The following RAB6B variants were observed in gnomAD, a reference collection of about 807,000 sequenced individuals.
RAB6B encodes ras-related protein Rab-6B.
In RAB6B, 7 loss-of-function variants were observed where a neutral mutation model predicts 31.2. That is an observed-to-expected ratio of 0.22 (90% CI 0.13 to 0.42). The LOEUF (loss-of-function observed/expected upper bound fraction) is 0.42. RAB6B is among the 10% of genes least tolerant of loss of function. The pLI is 1.00. For missense variants in RAB6B, 149 were observed against 280.6 expected (o/e 0.53, Z 3.35); for synonymous variants, 105 against 104.9 (o/e 1.00, Z -0.01).
Position 133,895,493 on chromosome 3 carries a change from G to T in RAB6B, c.-27C>A. On this transcript the variant is annotated 5_prime_UTR_variant, in exon 1 of 8. Coordinates refer to ENST00000285208, the MANE Select transcript of RAB6B (RefSeq NM_016577.4). ...GTGCTGGCAGCCGGGGCCGGGAGAG[G>T]AGGAGGAGGAAAAAGCGAAGGAGCA... 1 of 1,609,378 alleles carries T rather than the reference G, an allele frequency of 6.2e-7. No individual in the cohort carries two copies. Among genetic ancestry groups the T allele is most frequent in the Admixed American group, 1.7e-5 (1 of 59,546 alleles).
chr3:133,867,656 T>G (rs1363002702), intron 1 of RAB6B, among the ~76,000 whole-genome samples: 1 of 152,180 alleles, frequency 6.6e-6, no homozygotes, highest in Non-Finnish European at 1.5e-5. Flanking sequence ...AGGCCAAGTC[T>G]GGAATTGGGG....
intron 2 of RAB6B, among the ~76,000 whole-genome samples, chr3:133,861,186 T>C (rs1262955926): frequency 6.6e-6 from 1 of 152,252 alleles, no homozygotes; most frequent in Admixed American, 6.5e-5. Flanking sequence ...AAGGTTTTTT[T>C]CTATCATAAA....
In RAB6B at chr3:133,838,196, G is replaced by A; in HGVS notation, c.465C>T (p.Thr155=). The A allele has an allele frequency of 6.2e-7, 1 of 1,614,146 alleles. No individual in the cohort carries two copies. Among genetic ancestry groups the A allele is most frequent in the Non-Finnish European group, 8.5e-7 (1 of 1,180,024 alleles). The part of the protein sequence containing the change: ...AKELSVMFIE[T]SAKTGYNVKQ... ...TCACGTTGTAGCCAGTCTTCGCACTGGTCTCAATGAACATGACGCTCAGTT... is the reference window on the plus strand; with the variant it reads ...TCACGTTGTAGCCAGTCTTCGCACTAGTCTCAATGAACATGACGCTCAGTT... The change falls in exon 6 of 8, where the codon ACC becomes ACT. Residue 155 remains threonine (T), a synonymous_variant. Transcript: ENST00000285208.
At position 133,825,154 on chromosome 3, in the gene RAB6B, C is replaced by T. The variant is rs371930268; in HGVS notation, c.*3634G>A. 1.4e-3 allele frequency: 208 copies of T among 152,358 alleles called. 5 individuals are homozygous for T. The South Asian group carries it at 0.04, about 29-fold the overall frequency. The allele number at this position is 152,358 out of a possible 1,614,324, so 9.4% of individuals were successfully genotyped here. A position where few individuals can be genotyped will look rare whatever the true frequency, so the allele number is the denominator to read the frequency against. ...TGGCTCAGACATGCCTCACTGTCCT[C>T]GGCTACCTGGTCCCATCTCATCCTG... On this transcript the variant is annotated 3_prime_UTR_variant, in exon 8 of 8. Transcript: ENST00000285208.
intron 1 of RAB6B, among the ~76,000 whole-genome samples, chr3:133,884,792 A>G (rs930127718): frequency 1.3e-5 from 2 of 151,382 alleles, no homozygotes; most frequent in African/African-American, 4.9e-5. Context: ...GGCCCCACAT[A>G]TCCCAGTAAC....
Position 133,838,213 on chromosome 3 carries a change from C to T in RAB6B, c.448G>A (p.Val150Ile), listed in dbSNP as rs144269069. ...TTCGCACTGGTCTCAATGAACATGA[C>T]GCTCAGTTCTTTGGCGCGCTGCTCC... Reference protein sequence around the residue: ...EGEQRAKELSVMFIETSAKTG... With the variant: ...EGEQRAKELSIMFIETSAKTG... The change falls in exon 6 of 8, where the codon GTC (valine) becomes ATC (isoleucine). Residue 150 changes from valine to isoleucine, a missense_variant. Val to Ile is a conservative substitution (Grantham distance 29). Around this residue, in one of 2 missense-constraint regions of RAB6B, gnomAD observed 74 missense variants for 100.5 expected, o/e 0.74. Transcript: ENST00000285208. 29 of 1,614,078 alleles carry T rather than the reference C, an allele frequency of 1.8e-5. No individual in the cohort carries two copies. Among genetic ancestry groups the T allele is most frequent in the African/African-American group, 1.2e-4 (9 of 74,928 alleles).
At chr3:133,832,488 C>T (rs1239798265) in intron 7 of RAB6B, among the ~76,000 whole-genome samples, 1 of 152,196 alleles carries the variant, frequency 6.6e-6, no homozygotes, top group Non-Finnish European at 1.5e-5. Context: ...TATACAGCGC[C>T]ACAAAGCAGT....
At chr3:133,835,472 CTG>C (rs3840183) in intron 6 of RAB6B, among the ~76,000 whole-genome samples, 36,888 of 146,232 alleles carry the variant, frequency 0.25, 4,662 homozygotes, top group Non-Finnish European at 0.27. Context: ...TGTGGGTTTT[CTG>C]TGTGTGTGTG....
intron 7 of RAB6B, among the ~76,000 whole-genome samples, chr3:133,832,615 C>G (rs974516686): frequency 6.6e-6 from 1 of 152,304 alleles, no homozygotes; most frequent in East Asian, 1.9e-4. Flanking sequence ...CACCCCATCC[C>G]GAAAGAAGCA....
chr3:133,833,948 G>T (rs751003077), intron 7 of RAB6B, among the ~76,000 whole-genome samples: 6 of 152,242 alleles, frequency 3.9e-5, no homozygotes, highest in African/African-American at 7.2e-5. Context: ...GAGGAAGCAA[G>T]CCTGAGTGTG....
chr3:133,852,685 C>T (rs1576398969), intron 2 of RAB6B, among the ~76,000 whole-genome samples: 1 of 94,506 alleles, frequency 1.1e-5, no homozygotes, highest in South Asian at 3.5e-4. Flanking sequence ...CACCATGTTG[C>T]CCAGGCTGGT....
intron 2 of RAB6B, among the ~76,000 whole-genome samples, chr3:133,847,490 C>T (rs1935921828): frequency 6.6e-6 from 1 of 152,232 alleles, no homozygotes; most frequent in African/African-American, 2.4e-5. Context: ...ATTCTCTACT[C>T]ACTCTTTCCT....
chr3:133,868,584 G>T (rs1936274449), intron 1 of RAB6B, among the ~76,000 whole-genome samples: 1 of 152,236 alleles, frequency 6.6e-6, no homozygotes, highest in African/African-American at 2.4e-5. Context: ...AGCTCCACTG[G>T]CAGGTTTTAT....
intron 7 of RAB6B, among the ~76,000 whole-genome samples, chr3:133,830,172 G>T (rs888191571): frequency 6.6e-6 from 1 of 152,206 alleles, no homozygotes; most frequent in African/African-American, 2.4e-5. Flanking sequence ...TATGGCCCAT[G>T]CCGGCAGTGC....
At chr3:133,831,388 T>C (rs1327932287) in intron 7 of RAB6B, among the ~76,000 whole-genome samples, 1 of 152,214 alleles carries the variant, frequency 6.6e-6, no homozygotes, top group Non-Finnish European at 1.5e-5. Context: ...ATGTCACCAT[T>C]AGCAACATGG....
intron 2 of RAB6B, among the ~76,000 whole-genome samples, chr3:133,845,832 T>C (rs966848016): frequency 6.6e-6 from 1 of 152,024 alleles, no homozygotes; most frequent in African/African-American, 2.4e-5. Context: ...AAATGTTGAA[T>C]TAGTAGACAA....
chr3:133,861,791 AG>A (rs1020401162), intron 2 of RAB6B, among the ~76,000 whole-genome samples: 1 of 152,168 alleles, frequency 6.6e-6, no homozygotes, highest in Non-Finnish European at 1.5e-5. Flanking sequence ...ATTCCATTCT[AG>A]GAACTGTCTG....
At position 133,838,229 on chromosome 3, in the gene RAB6B, G is replaced by A. The variant is rs368213618; in HGVS notation, c.432C>T (p.Arg144=). Residue 144 remains arginine, a synonymous_variant, in exon 6 of 8, where the codon CGC becomes CGT. Coordinates refer to ENST00000285208, the MANE Select transcript of RAB6B (RefSeq NM_016577.4). ...TGAACATGACGCTCAGTTCTTTGGC[G>A]CGCTGCTCCCCCTCCTCGATGGTTA... ...RQITIEEGEQ[R]AKELSVMFIE... is the part of the protein sequence containing the mutation. The A allele has an allele frequency of 4.4e-5, 71 of 1,614,020 alleles. No individual in the cohort carries two copies. The African/African-American group carries it at 6.9e-4, about 16-fold the overall frequency.
intron 1 of RAB6B, among the ~76,000 whole-genome samples, chr3:133,883,417 A>T (rs1936495592): frequency 6.6e-6 from 1 of 152,158 alleles, no homozygotes; most frequent in Non-Finnish European, 1.5e-5. Flanking sequence ...GGGAACCTCC[A>T]GCCTTTCATT....
Sources: gnomAD v4.1 joint callset for allele counts (sites outside exome capture counted in the v4.1 genomes callset) on GRCh38, gnomAD v4.1.1 for gene constraint, gnomAD v4.1.1 regional missense constraint, MANE v1.5 for transcripts, NCBI Gene and HGNC (gene_info 2026-07-23, HGNC 2026-07-21) for gene names.